Variants in HDLBP observed in about 807,000 individuals in gnomAD.
HDLBP encodes the protein vigilin.
A neutral mutation model predicts 137.3 loss-of-function variants in HDLBP; 30 were observed. That is an observed-to-expected ratio of 0.22 (90% CI 0.16 to 0.30). The LOEUF is 0.30. Among genes scored for constraint, HDLBP ranks in the 10% least tolerant of loss-of-function variants. The probability of loss-of-function intolerance (pLI) is 1.00; values close to 1 mark genes in which losing one functional copy is unlikely to be tolerated. For missense variants in HDLBP, 1,119 were observed against 1,667.3 expected, an observed-to-expected ratio of 0.67 and a Z score of 5.73; for synonymous variants, 606 against 596.0, an observed-to-expected ratio of 1.02 and a Z score of -0.24.
chr2:241,272,577 G>T lies in HDLBP; in HGVS notation c.-102-4036C>A. 2.0e-6 allele frequency: 2 copies of T among 984,146 alleles called. No individual in the cohort carries two copies. Among genetic ancestry groups the T allele is most frequent in the Non-Finnish European group, 2.4e-6 (2 of 829,470 alleles). The allele number at this position is 984,146 out of a possible 1,614,324, so 61.0% of individuals were successfully genotyped here. A position where few individuals can be genotyped will look rare whatever the true frequency, so the allele number is the denominator to read the frequency against. On this transcript the variant is annotated intron_variant, in intron 1 of 27. Coordinates refer to ENST00000310931, the MANE Select transcript of HDLBP (RefSeq NM_005336.6). This position sits in a 1 kb window ranked among gnomAD's most constrained non-coding sequence, Gnocchi z 5.6. The stretch of plus-strand genomic sequence containing the variant: ...CAGGTCTGGCCCGGAACCGCCACGC[G>T]CGGTAAGCAGGACACCCGCGGGCGG...
rs116424429 is a variant in HDLBP, at chr2:241,229,522, G to A, written c.*79C>T. On this transcript the variant is annotated 3_prime_UTR_variant, in exon 28 of 28. Coordinates refer to ENST00000310931, the MANE Select transcript of HDLBP (RefSeq NM_005336.6). ...TCAACAATTTACGGAGGGTCCAGCCGCTGGGTCAGATTGAGACAAACCATT... is the reference window on the plus strand; with the variant it reads ...TCAACAATTTACGGAGGGTCCAGCCACTGGGTCAGATTGAGACAAACCATT... 2,501 of 1,051,196 alleles carry A rather than the reference G, an allele frequency of 2.4e-3. 29 individuals carry two copies. In the African/African-American group the frequency reaches 0.033, roughly 14 times the overall value. 65.1% of individuals were successfully genotyped at this position (1,051,196 alleles called of 1,614,324 possible).
At chr2:241,298,563 A>T (rs1206220397) in intron 1 of HDLBP, among the ~76,000 whole-genome samples, 1 of 152,178 alleles carries the variant, frequency 6.6e-6, no homozygotes, top group African/African-American at 2.4e-5. Flanking sequence ...ATTAAAGTTG[A>T]GATAGTTGAG....
Position 241,239,812 on chromosome 2 carries a change from C to G in HDLBP, c.2400G>C (p.Val800=), listed in dbSNP as rs559334007. ...GGTCCACCAGCATGGAGTCTTCCACCACATTATCCTGCAGTGTTAAGAAGA... is the reference window on the plus strand; with the variant it reads ...GGTCCACCAGCATGGAGTCTTCCACGACATTATCCTGCAGTGTTAAGAAGA... ...LEALIQNLDN[V]VEDSMLVDPK... Residue 800 remains valine (V), a synonymous_variant, in exon 19 of 28, where the codon GTG becomes GTC. Transcript: ENST00000310931. The surrounding 1 kb of genome is among the most constrained non-coding windows in gnomAD (Gnocchi z 4.6). The G allele has an allele frequency of 4.3e-6, 7 of 1,613,748 alleles. No individual in the cohort carries two copies. In the African/African-American group the frequency reaches 9.3e-5, roughly 22 times the overall value.
In HDLBP at chr2:241,269,760, C is replaced by T. The variant is rs183341433; in HGVS notation, c.-102-1219G>A. Among the ~76,000 whole-genome samples the T allele has an allele frequency of 5.5e-3, 845 of 152,292 alleles. 4 individuals are homozygous for T. The highest frequency in any genetic ancestry group is 0.024 in the Middle Eastern group (7 of 294). On this transcript the variant is annotated intron_variant, in intron 1 of 27. Coordinates refer to ENST00000310931, the MANE Select transcript of HDLBP (RefSeq NM_005336.6). Reference sequence around the variant, plus strand: ...TCAGATTAGCACATTCACAACTCGGCAAGAGCTCCTTGAGATTCCAAGTGT... The same window carrying T: ...TCAGATTAGCACATTCACAACTCGGTAAGAGCTCCTTGAGATTCCAAGTGT...
rs1293293553 is a variant in HDLBP at position 241,230,248 on chromosome 2, T to C, written c.3496A>G (p.Ser1166Gly). 5 of 1,596,638 alleles carry C rather than the reference T, an allele frequency of 3.1e-6. No individual in the cohort carries two copies. In the East Asian group the frequency reaches 1.1e-4, roughly 36 times the overall value. ...ACGCAGTTGGGGTCTGGGGCTCCGC[T>C]CTGTGGGAAGCGAATGTCCACCTGG... ...EFKVDIRFPQ[S>G]GAPDPNCVTV... Residue 1166 changes from serine (S) to glycine (G), a missense_variant, in exon 26 of 28, where the codon AGC becomes GGC. Transcript: ENST00000310931. This position sits in a 1 kb window ranked among gnomAD's most constrained non-coding sequence, Gnocchi z 5.0.
At chr2:241,234,037 TG>T in intron 23 of HDLBP, 74 bp from the exon 24 acceptor site, 19 of 1,543,662 alleles carry the variant, frequency 1.2e-5, no homozygotes, top group Non-Finnish European at 1.5e-5. Context: ...CCTTCCACCC[TG>T]GTCATAGGAC....
chr2:241,278,680 G>A (rs1553653117), intron 1 of HDLBP, among the ~76,000 whole-genome samples: 1 of 152,068 alleles, frequency 6.6e-6, no homozygotes, highest in Non-Finnish European at 1.5e-5. Context: ...AGAAAAGAAA[G>A]TTACCAGAAT....
chr2:241,271,603 C>T (rs1051966578), intron 1 of HDLBP, among the ~76,000 whole-genome samples: 1 of 152,194 alleles, frequency 6.6e-6, no homozygotes, highest in African/African-American at 2.4e-5. Context: ...TTGCCAACTA[C>T]ATATTCAAGG....
In HDLBP at chr2:241,238,549, CAG is replaced by C; in HGVS notation, c.2749+98_2749+99del. On this transcript the variant is annotated intron_variant, in intron 20 of 27. Coordinates refer to ENST00000310931, the MANE Select transcript of HDLBP (RefSeq NM_005336.6). This position sits in a 1 kb window ranked among gnomAD's most constrained non-coding sequence, Gnocchi z 4.9. ...CCAGAATACATAGATGGTTTTCCAG[CAG>C]AGACAGGAAAGAGCCTCACCAGTAT... The C allele has an allele frequency of 1.0e-6, 1 of 962,610 alleles. No individual in the cohort carries two copies. Among genetic ancestry groups the C allele is most frequent in the Non-Finnish European group, 1.5e-6 (1 of 678,818 alleles). The allele number at this position is 962,610 out of a possible 1,614,324, so 59.6% of individuals were successfully genotyped here. A position where few individuals can be genotyped will look rare whatever the true frequency, so the allele number is the denominator to read the frequency against.
chr2:241,272,428 CGGG>C lies in HDLBP; in HGVS notation c.-102-3890_-102-3888del. 7 of 984,526 alleles carry C rather than the reference CGGG, an allele frequency of 7.1e-6. No homozygotes were observed. The highest frequency in any genetic ancestry group is 8.4e-6 in the Non-Finnish European group (7 of 829,630). 61.0% of individuals were successfully genotyped at this position (984,526 alleles called of 1,614,324 possible). A position where few individuals can be genotyped will look rare whatever the true frequency, so the allele number is the denominator to read the frequency against. On this transcript the variant is annotated intron_variant, in intron 1 of 27. Transcript: ENST00000310931. This position sits in a 1 kb window ranked among gnomAD's most constrained non-coding sequence, Gnocchi z 5.6. Reference sequence around the variant, plus strand: ...CACCAGGGGTGCCCCACCGAAGCCCCGGGAGGAGGCGGGGGAGCCCAGCTTGCA... The same window carrying C: ...CACCAGGGGTGCCCCACCGAAGCCCCAGGAGGCGGGGGAGCCCAGCTTGCA...
intron 2 of HDLBP, among the ~76,000 whole-genome samples, 180 bp from the exon 3 acceptor site, chr2:241,267,086 G>C (rs766346028): frequency 1.2e-4 from 19 of 152,230 alleles, no homozygotes; most frequent in African/African-American, 4.3e-4. Context: ...TGATAAAAAG[G>C]GGGGAAAATG....
chr2:241,300,899 CA>C (rs2075371830), intron 1 of HDLBP, among the ~76,000 whole-genome samples: 1 of 151,588 alleles, frequency 6.6e-6, no homozygotes, highest in Non-Finnish European at 1.5e-5. Flanking sequence ...AGCCTTGTTT[CA>C]AAAGAAAAAA....
chr2:241,261,764 T>G lies in HDLBP; in HGVS notation c.450+947A>C, dbSNP rs537831007. Among the ~76,000 whole-genome samples, 4 of 152,202 alleles carry G rather than the reference T, an allele frequency of 2.6e-5. No individual in the cohort carries two copies. In the South Asian group the frequency reaches 8.3e-4, roughly 31 times the overall value. ...GTTGGGGACTGTCCCGATGCCCCCA[T>G]GTGGTTAAGTGGCACAGCTGGACCT... On this transcript the variant is annotated intron_variant, in intron 5 of 27. Coordinates refer to ENST00000310931, the MANE Select transcript of HDLBP (RefSeq NM_005336.6).
chr2:241,279,927 T>C, intron 1 of HDLBP: 1 of 985,218 alleles, frequency 1.0e-6, no homozygotes, highest in Non-Finnish European at 1.2e-6. Flanking sequence ...CTCCTCTCTT[T>C]GCTTTAACTT....
intron 1 of HDLBP, among the ~76,000 whole-genome samples, chr2:241,296,587 T>C (rs886873654): frequency 6.6e-5 from 10 of 152,120 alleles, no homozygotes; most frequent in African/African-American, 2.4e-4. Context: ...TCTGAATAGG[T>C]TAGGACATAT....
intron 1 of HDLBP, among the ~76,000 whole-genome samples, chr2:241,281,028 G>T (rs1368928158): frequency 1.3e-5 from 2 of 152,206 alleles, no homozygotes; most frequent in Admixed American, 6.5e-5. Flanking sequence ...CCTAATTAAA[G>T]AACATGTGTC....
In HDLBP at chr2:241,256,392, C is replaced by A; in HGVS notation, c.665G>T (p.Arg222Leu). ...TTCTACTTCTAGCCTCTCCACAGCACGTTTGTCCTGGAAAGGAAGGGATGA... is the reference window on the plus strand; with the variant it reads ...TTCTACTTCTAGCCTCTCCACAGCAAGTTTGTCCTGGAAAGGAAGGGATGA... Reference protein sequence around the residue: ...VLLISAEQDKRAVERLEVEKA... With the variant: ...VLLISAEQDKLAVERLEVEKA... Residue 222 changes from arginine to leucine, a missense_variant, in exon 7 of 28, where the codon CGT becomes CTT. Arg to Leu is a moderately radical substitution (Grantham distance 102). Transcript: ENST00000310931. The A allele has an allele frequency of 6.2e-7, 1 of 1,605,780 alleles. No individual in the cohort carries two copies. The highest frequency in any genetic ancestry group is 1.1e-5 in the South Asian group (1 of 89,692).
intron 5 of HDLBP, among the ~76,000 whole-genome samples, chr2:241,259,872 T>C (rs1413950268): frequency 6.6e-6 from 1 of 151,958 alleles, no homozygotes; most frequent in Non-Finnish European, 1.5e-5. Flanking sequence ...GAGACTGGAG[T>C]CTCCAACTGC....
At chr2:241,313,548 G>A (rs1366943380) in intron 1 of HDLBP, among the ~76,000 whole-genome samples, 2 of 152,134 alleles carry the variant, frequency 1.3e-5, no homozygotes, top group Admixed American at 1.3e-4. Flanking sequence ...CAAAGTGCTG[G>A]GATTACAAGC....
Sources: allele counts gnomAD v4.1 joint callset (sites outside exome capture counted in the v4.1 genomes callset), GRCh38; gene constraint gnomAD v4.1.1; non-coding constraint Gnocchi (gnomAD v3.1); transcripts MANE v1.5; gene names NCBI Gene and HGNC (gene_info 2026-07-23, HGNC 2026-07-21).